The following TEC variants were observed in gnomAD, a reference collection of about 807,000 sequenced individuals.
TEC encodes the protein tyrosine-protein kinase Tec.
Under a neutral mutation model 93.0 loss-of-function variants are expected in TEC, and 72 were observed. The observed-to-expected ratio is 0.77, with a 90% CI of 0.64 to 0.94. The LOEUF (loss-of-function observed/expected upper bound fraction) is 0.94. TEC is among the 40% of genes least tolerant of loss of function. The probability of loss-of-function intolerance (pLI) is 0.00; values close to 1 mark genes in which losing one functional copy is unlikely to be tolerated. For missense variants in TEC, 630 were observed against 757.9 expected, an observed-to-expected ratio of 0.83 and a Z score of 1.98; for synonymous variants, 249 against 247.7, an observed-to-expected ratio of 1.01 and a Z score of -0.05.
chr4:48,171,138 G>A (rs769348185), intron 4 of TEC, among the ~76,000 whole-genome samples: 15 of 152,204 alleles, frequency 9.9e-5, no homozygotes, highest in East Asian at 5.8e-4. Context: ...AAATGAGAGC[G>A]TGCTTTTCTT....
intron 14 of TEC, among the ~76,000 whole-genome samples, chr4:48,144,839 T>C (rs1470373108): frequency 1.3e-5 from 2 of 152,218 alleles, no homozygotes; most frequent in African/African-American, 2.4e-5. Flanking sequence ...GGGATTCTTA[T>C]GGAGATCGAA....
chr4:48,207,474 A>C (rs1722751773), intron 2 of TEC, among the ~76,000 whole-genome samples: 1 of 152,102 alleles, frequency 6.6e-6, no homozygotes, highest in Non-Finnish European at 1.5e-5. Context: ...TCAACATTAT[A>C]AAATAAACAT....
chr4:48,217,741 G>C (rs950186731), intron 2 of TEC, among the ~76,000 whole-genome samples: 1 of 151,786 alleles, frequency 6.6e-6, no homozygotes, highest in Admixed American at 6.5e-5. Flanking sequence ...CTTGGGGCTG[G>C]AGGGGCAGGG....
chr4:48,237,782 C>T (rs1393130682), intron 1 of TEC, among the ~76,000 whole-genome samples: 2 of 152,206 alleles, frequency 1.3e-5, no homozygotes, highest in African/African-American at 4.8e-5. Context: ...TACATCAGAA[C>T]AGGTGACCTT....
At chr4:48,261,306 T>G (rs1293615152) in intron 1 of TEC, among the ~76,000 whole-genome samples, 6 of 152,226 alleles carry the variant, frequency 3.9e-5, no homozygotes, top group African/African-American at 1.4e-4. Context: ...CCTGCATGGT[T>G]GAAGGATCAA....
intron 1 of TEC, among the ~76,000 whole-genome samples, chr4:48,252,812 G>A (rs1273934480): frequency 6.6e-6 from 1 of 152,162 alleles, no homozygotes; most frequent in Non-Finnish European, 1.5e-5. Context: ...CATAAATGTA[G>A]GAACACTGGG....
intron 1 of TEC, among the ~76,000 whole-genome samples, chr4:48,232,309 A>C (rs1487532621): frequency 7.7e-6 from 1 of 129,420 alleles, no homozygotes; most frequent in East Asian, 2.2e-4. Context: ...AAAAAACAAA[A>C]CAAAAAAAAA....
chr4:48,195,885 A>G (rs1281646527), intron 2 of TEC, among the ~76,000 whole-genome samples: 1 of 152,208 alleles, frequency 6.6e-6, no homozygotes, highest in Admixed American at 6.5e-5. Context: ...ATGCCCCCAC[A>G]GTGCAAAATA....
At chr4:48,213,871 C>A (rs956687259) in intron 2 of TEC, among the ~76,000 whole-genome samples, 1 of 151,938 alleles carries the variant, frequency 6.6e-6, no homozygotes, top group African/African-American at 2.4e-5. Context: ...AGACTCTGTC[C>A]CTGAAAAAAA....
At chr4:48,152,557 G>A (rs2089508) in intron 9 of TEC, among the ~76,000 whole-genome samples, 9,252 of 151,966 alleles carry the variant, frequency 0.061, 951 homozygotes, top group African/African-American at 0.21. Context: ...TTTAATCATC[G>A]AAACAGTCCT....
chr4:48,142,933 C>A (rs991970048), intron 14 of TEC, among the ~76,000 whole-genome samples: 1 of 152,178 alleles, frequency 6.6e-6, no homozygotes, highest in Non-Finnish European at 1.5e-5. Context: ...CCGCCCGCCT[C>A]GGCCTCCAAA....
rs1009308546 is a variant in TEC, at chr4:48,143,776, A to T, written c.1470+1303T>A. ...TCCTGGCTCTACAATTTACTTGCCC[A>T]TTGGAAGTTATTTTATCCTATTTGC... On this transcript the variant is annotated intron_variant, in intron 14 of 17. Transcript: ENST00000381501. Among the ~76,000 whole-genome samples the T allele has an allele frequency of 3.9e-5, 6 of 152,202 alleles. No individual in the cohort carries two copies. The East Asian group carries it at 1.2e-3, about 29-fold the overall frequency.
intron 2 of TEC, among the ~76,000 whole-genome samples, chr4:48,198,257 A>G (rs1330649997): frequency 6.6e-6 from 1 of 152,226 alleles, no homozygotes; most frequent in Non-Finnish European, 1.5e-5. Context: ...GGCAGGTGTA[A>G]GCTGGACATG....
rs79082460 is a variant in TEC at position 48,188,505 on chromosome 4, A to C, written c.139-12319T>G. Among the ~76,000 whole-genome samples, 421 of 152,306 alleles carry C rather than the reference A, an allele frequency of 2.8e-3. 1 individual carries two copies. Among genetic ancestry groups the C allele is most frequent in the African/African-American group, 9.3e-3 (388 of 41,560 alleles). ...TCCATGCTCACTGCCAACAAGAAGA[A>C]GCAAACCTTCTTCCCAGTCATTCCA... On this transcript the variant is annotated intron_variant, in intron 2 of 17. Coordinates refer to ENST00000381501, the MANE Select transcript of TEC (RefSeq NM_003215.3).
At chr4:48,146,982 T>C (rs1719943454) in intron 11 of TEC, among the ~76,000 whole-genome samples, 1 of 152,166 alleles carries the variant, frequency 6.6e-6, no homozygotes, top group South Asian at 2.1e-4. Context: ...AGTGGTAGGG[T>C]CTGGGAAAAT....
Position 48,167,939 on chromosome 4 carries a change from T to G in TEC, c.510A>C (p.Pro170=), listed in dbSNP as rs777782109. 7 of 1,613,634 alleles carry G rather than the reference T, an allele frequency of 4.3e-6. No homozygotes were observed. The highest frequency in any genetic ancestry group is 1.3e-5 in the African/African-American group (1 of 74,856). ...TATCTTCTTCTTCTAGTGGAATTGGTGGGGGAGGCCTTCGCTAGACAAGGA... is the reference window on the plus strand; with the variant it reads ...TATCTTCTTCTTCTAGTGGAATTGGGGGGGGAGGCCTTCGCTAGACAAGGA... ...APETKKRRPP[P]PIPLEEEDNS... Residue 170 remains proline (P), a synonymous_variant, in exon 7 of 18, where the codon CCA becomes CCC. Coordinates refer to ENST00000381501, the MANE Select transcript of TEC (RefSeq NM_003215.3).
At chr4:48,180,987 A>G (rs1241638889) in intron 2 of TEC, among the ~76,000 whole-genome samples, 1 of 152,198 alleles carries the variant, frequency 6.6e-6, no homozygotes, top group East Asian at 1.9e-4. Context: ...TAGAAGGCAG[A>G]GTTCACAAAA....
chr4:48,148,477 G>C (rs1219413744), intron 11 of TEC, among the ~76,000 whole-genome samples: 1 of 152,010 alleles, frequency 6.6e-6, no homozygotes, highest in Admixed American at 6.6e-5. Context: ...TTATTTTTTG[G>C]TATTCAGTTT....
In TEC at chr4:48,214,697, C is replaced by CA. The variant is rs1466657321; in HGVS notation, c.138+13779dup. ...CAAAACCCCATCTCTACTAAAAATA[C>CA]AAAAAAAATAGCCAGGCGTGGTGGT... On this transcript the variant is annotated intron_variant, in intron 2 of 17. Coordinates refer to ENST00000381501, the MANE Select transcript of TEC (RefSeq NM_003215.3). 2.7e-4 allele frequency among the ~76,000 whole-genome samples: 40 copies of CA among 150,244 alleles called. 1 individual carries two copies. Among genetic ancestry groups the CA allele is most frequent in the African/African-American group, 7.3e-4 (30 of 40,950 alleles).
Sources: gnomAD v4.1 joint callset for allele counts (sites outside exome capture counted in the v4.1 genomes callset) on GRCh38, gnomAD v4.1.1 for gene constraint, MANE v1.5 for transcripts, NCBI Gene and HGNC (gene_info 2026-07-23, HGNC 2026-07-21) for gene names.